Variants in RUNX2 observed in about 807,000 individuals in gnomAD.
RUNX2 encodes RUNX family transcription factor 2.
RUNX2 carries 10 observed loss-of-function variants against 51.7 expected under a neutral mutation model. That is an observed-to-expected ratio of 0.19 (90% CI 0.12 to 0.33). The LOEUF (loss-of-function observed/expected upper bound fraction) is 0.33, where lower values mean the gene tolerates loss of function less well. Among genes scored for constraint, RUNX2 ranks in the 10% least tolerant of loss-of-function variants. The pLI is 1.00. For missense variants in RUNX2, 562 were observed against 691.3 expected (o/e 0.81, Z 2.10); for synonymous variants, 276 against 273.6 (o/e 1.01, Z -0.09).
chr6:45,352,245 G>C (rs1271091597), intron 2 of RUNX2, among the ~76,000 whole-genome samples: 1 of 152,092 alleles, frequency 6.6e-6, no homozygotes, highest in African/African-American at 2.4e-5. Context: ...GACAATTTCA[G>C]CCTTAGAAAA....
chr6:45,494,326 C>T (rs1374431922), intron 6 of RUNX2, among the ~76,000 whole-genome samples: 4 of 152,212 alleles, frequency 2.6e-5, no homozygotes, highest in Non-Finnish European at 5.9e-5. Flanking sequence ...AGCTTCTTGT[C>T]TGCAGTTGCA....
intron 5 of RUNX2, among the ~76,000 whole-genome samples, chr6:45,476,711 C>T (rs1275943603): frequency 6.6e-6 from 1 of 152,122 alleles, no homozygotes; most frequent in African/African-American, 2.4e-5. Flanking sequence ...TATACTGCGA[C>T]CTGGTATATA....
intron 2 of RUNX2, among the ~76,000 whole-genome samples, chr6:45,366,300 C>A (rs1381553163): frequency 2.0e-5 from 3 of 152,114 alleles, no homozygotes; most frequent in Non-Finnish European, 2.9e-5. Flanking sequence ...GATTTGAATC[C>A]CAGCTCCGCT....
At position 45,446,709 on chromosome 6, in the gene RUNX2, C is replaced by G. The variant is rs536931690; in HGVS notation, c.685+8658C>G. Among the ~76,000 whole-genome samples, 4 of 152,216 alleles carry G rather than the reference C, an allele frequency of 2.6e-5. No individual in the cohort carries two copies. The East Asian group carries it at 5.8e-4, about 22-fold the overall frequency. Reference sequence around the variant, plus strand: ...TTTTCCCATTCATACCTGTCCATACCTAGCATTTTTATAGGATACATTTAT... The same window carrying G: ...TTTTCCCATTCATACCTGTCCATACGTAGCATTTTTATAGGATACATTTAT... On this transcript the variant is annotated intron_variant, in intron 5 of 8. Transcript: ENST00000647337.
intron 7 of RUNX2, among the ~76,000 whole-genome samples, chr6:45,516,228 A>G (rs1801316256): frequency 6.6e-6 from 1 of 152,246 alleles, no homozygotes; most frequent in Non-Finnish European, 1.5e-5. Flanking sequence ...AGAGAAAGAT[A>G]TAATACTAGA....
chr6:45,405,949 G>A (rs188022927), intron 2 of RUNX2, among the ~76,000 whole-genome samples: 18 of 152,242 alleles, frequency 1.2e-4, no homozygotes, highest in East Asian at 7.7e-4. Context: ...TGAAAATAGG[G>A]ATATTATATT....
At chr6:45,444,077 T>C (rs1047523406) in intron 5 of RUNX2, among the ~76,000 whole-genome samples, 2 of 152,198 alleles carry the variant, frequency 1.3e-5, no homozygotes, top group Admixed American at 1.3e-4. Flanking sequence ...ATCGACCTCC[T>C]GACCTCAGGT....
chr6:45,427,755 A>G (rs1798423160), intron 3 of RUNX2, among the ~76,000 whole-genome samples: 1 of 152,186 alleles, frequency 6.6e-6, no homozygotes, highest in South Asian at 2.1e-4. Flanking sequence ...TTTAATTTCC[A>G]TATAAAAAGA....
chr6:45,333,214 T>A (rs34677014), intron 2 of RUNX2, among the ~76,000 whole-genome samples: 22,871 of 151,542 alleles, frequency 0.15, 1,965 homozygotes, highest in East Asian at 0.26. Context: ...CTGGATATAT[T>A]TTTTGATTAA....
At chr6:45,364,585 T>C (rs536565075) in intron 2 of RUNX2, among the ~76,000 whole-genome samples, 227 of 152,276 alleles carry the variant, frequency 1.5e-3, no homozygotes, top group African/African-American at 5.2e-3. Context: ...TGCTACCTCT[T>C]ATCAAATCAA....
chr6:45,429,273 A>G (rs940033181), intron 3 of RUNX2, among the ~76,000 whole-genome samples: 4 of 152,174 alleles, frequency 2.6e-5, no homozygotes, highest in Admixed American at 2.0e-4. Flanking sequence ...CTTTATTAAT[A>G]TGCTTACTGG....
intron 2 of RUNX2, among the ~76,000 whole-genome samples, chr6:45,344,010 T>C (rs1790350201): frequency 6.6e-6 from 1 of 152,198 alleles, no homozygotes; most frequent in East Asian, 1.9e-4. Flanking sequence ...ATTCCTGTCT[T>C]TTTTCCTCTC....
intron 6 of RUNX2, among the ~76,000 whole-genome samples, chr6:45,497,312 C>A (rs1003861431): frequency 2.2e-4 from 33 of 152,044 alleles, no homozygotes; most frequent in African/African-American, 8.0e-4. Context: ...AGGAAGTGCA[C>A]AGGATATTTT....
intron 2 of RUNX2, among the ~76,000 whole-genome samples, chr6:45,420,112 G>A (rs1429268128): frequency 6.6e-6 from 1 of 152,080 alleles, no homozygotes; most frequent in Non-Finnish European, 1.5e-5. Flanking sequence ...CTTACCCCTC[G>A]AGAGCGCACA....
chr6:45,407,715 G>T (rs914640773), intron 2 of RUNX2, among the ~76,000 whole-genome samples: 2 of 151,886 alleles, frequency 1.3e-5, no homozygotes, highest in Admixed American at 6.6e-5. Flanking sequence ...GCCCAGGCTG[G>T]TCTTGAACTC....
At chr6:45,447,564 C>G (rs773457331) in intron 5 of RUNX2, among the ~76,000 whole-genome samples, 1 of 152,196 alleles carries the variant, frequency 6.6e-6, no homozygotes. Flanking sequence ...TGATCTCTGT[C>G]CATACAAGAA....
chr6:45,477,127 C>T (rs986696889), intron 5 of RUNX2, among the ~76,000 whole-genome samples: 4 of 152,132 alleles, frequency 2.6e-5, no homozygotes, highest in South Asian at 2.1e-4. Context: ...GATTCAGAAC[C>T]GTTTCAGTGG....
At chr6:45,519,790 ATGTGTGTGTGTGTGTGTGTG>A (rs35210688) in intron 7 of RUNX2, among the ~76,000 whole-genome samples, 10 of 124,124 alleles carry the variant, frequency 8.1e-5, no homozygotes, top group Middle Eastern at 4.0e-3. Flanking sequence ...ATATATATAT[ATGTGTGTGTGTGTGTGTGTG>A]TGTGTGTGTG....
intron 4 of RUNX2, among the ~76,000 whole-genome samples, 170 bp from the exon 5 acceptor site, chr6:45,437,777 A>G (rs1400567189): frequency 6.6e-6 from 1 of 152,200 alleles, no homozygotes; most frequent in East Asian, 1.9e-4. Context: ...GAAATGTCCT[A>G]AAGTGGTCAT....
Sources: gnomAD v4.1 joint callset for allele counts (sites outside exome capture counted in the v4.1 genomes callset) on GRCh38, gnomAD v4.1.1 for gene constraint, MANE v1.5 for transcripts, NCBI Gene and HGNC (gene_info 2026-07-23, HGNC 2026-07-21) for gene names.